Variants in MYH11 observed in about 807,000 individuals in gnomAD.
MYH11 encodes the protein myosin heavy chain 11, also known as myosin-11.
MYH11 carries 80 observed loss-of-function variants against 246.6 expected under a neutral mutation model. The ratio of observed to expected loss-of-function variants is 0.32; its 90% CI spans 0.27 to 0.39. The LOEUF (loss-of-function observed/expected upper bound fraction) is 0.39. MYH11 is among the 10% of genes least tolerant of loss of function. The pLI, the probability that MYH11 is intolerant of heterozygous loss-of-function variation, is 1.00. For synonymous variants in MYH11, 1,071 were observed against 1,015.5 expected, an observed-to-expected ratio of 1.05 and a Z score of -1.04; for missense variants, 2,158 against 2,546.8, an observed-to-expected ratio of 0.85 and a Z score of 3.29.
intron 19 of MYH11, among the ~76,000 whole-genome samples, chr16:15,746,253 G>A (rs2041415673): frequency 2.0e-5 from 3 of 151,984 alleles, no homozygotes. Context: ...CTCCTGGGTT[G>A]TTTTAGGAAT....
chr16:15,794,994 G>A lies in MYH11; in HGVS notation c.530+3666C>T, dbSNP rs1316398759. On this transcript the variant is annotated intron_variant, in intron 4 of 40. Coordinates refer to ENST00000300036, the MANE Select transcript of MYH11 (RefSeq NM_002474.3). ...CGAGGGGAACGGGACTTTAGAACCAGTGTGGGGAGAATCAGAACTGCAGGA... is the reference window on the plus strand; with the variant it reads ...CGAGGGGAACGGGACTTTAGAACCAATGTGGGGAGAATCAGAACTGCAGGA... 2.0e-5 allele frequency among the ~76,000 whole-genome samples: 3 copies of A among 152,298 alleles called. No homozygotes were observed. In the East Asian group the frequency reaches 5.8e-4, roughly 29 times the overall value.
intron 2 of MYH11, among the ~76,000 whole-genome samples, chr16:15,827,318 G>A (rs964785956): frequency 1.6e-4 from 25 of 152,342 alleles, no homozygotes; most frequent in Non-Finnish European, 3.4e-4. Context: ...CAGGTGGGGA[G>A]GTATTCCCTG....
intron 10 of MYH11, 55 bp downstream of exon 10, chr16:15,763,741 T>TCGGCCCCCCCCCCCCC: frequency 3.1e-6 from 2 of 646,844 alleles, no homozygotes; most frequent in Non-Finnish European, 5.8e-6. Flanking sequence ...AAATGTCACC[T>TCGGCCCCCCCCCCCCC]CCCCCACCCC....
chr16:15,753,346 A>G (rs778961767), intron 15 of MYH11, 48 bp downstream of exon 15: 5 of 1,557,562 alleles, frequency 3.2e-6, no homozygotes, highest in Admixed American at 1.7e-5. Context: ...TGGGTGTTCA[A>G]TTCTCCAGCT....
At chr16:15,814,553 C>CAAAAAAAAAAAAAAAAAAA (rs58806731) in intron 3 of MYH11, among the ~76,000 whole-genome samples, 5 of 22,826 alleles carry the variant, frequency 2.2e-4, no homozygotes, top group Non-Finnish European at 5.8e-4. Context: ...AACTCCATCT[C>CAAAAAAAAAAAAAAAAAAA]AAAAAAAAAA....
intron 13 of MYH11, 109 bp from the exon 14 acceptor site, chr16:15,756,623 C>G (rs1003513998): frequency 9.0e-7 from 1 of 1,106,578 alleles, no homozygotes; most frequent in African/African-American, 1.5e-5. Context: ...AGATCTGATA[C>G]TGTATTTGCC....
At chr16:15,733,732 A>G (rs576108272) in intron 26 of MYH11, among the ~76,000 whole-genome samples, 196 of 149,834 alleles carry the variant, frequency 1.3e-3, no homozygotes, top group Middle Eastern at 3.6e-3. Context: ...TAGTAGAGAC[A>G]GGTTTTCATG....
At position 15,715,257 on chromosome 16, in the gene MYH11, G is replaced by A. The variant is rs1423184796; in HGVS notation, c.5520C>T (p.Ala1840=). 1.2e-6 allele frequency: 2 copies of A among 1,613,960 alleles called. No individual in the cohort carries two copies. Among genetic ancestry groups the A allele is most frequent in the Non-Finnish European group, 1.7e-6 (2 of 1,180,044 alleles). Reference sequence around the variant, plus strand: ...TGTCTTTCTGCTTCAGCGACTTGGTGGCCGCCTGTTTCTCTCTGCAAACAG... The same window carrying A: ...TGTCTTTCTGCTTCAGCGACTTGGTAGCCGCCTGTTTCTCTCTGCAAACAG... The part of the protein sequence containing the change: ...VEQEAREKQA[A]TKSLKQKDKK... The change falls in exon 39 of 41, where the codon GCC becomes GCT. Residue 1840 remains alanine, a synonymous_variant. Coordinates refer to ENST00000300036, the MANE Select transcript of MYH11 (RefSeq NM_002474.3).
chr16:15,723,153 G>A (rs775343356), intron 31 of MYH11, among the ~76,000 whole-genome samples: 1 of 152,128 alleles, frequency 6.6e-6, no homozygotes, highest in African/African-American at 2.4e-5. Flanking sequence ...TCATACAGGG[G>A]TCTCCATTTA....
chr16:15,710,687 TG>T (rs1157724247), intron 40 of MYH11, among the ~76,000 whole-genome samples: 16 of 151,008 alleles, frequency 1.1e-4, no homozygotes, highest in African/African-American at 3.2e-4. Context: ...TTTTGTTTTT[TG>T]TTTTTTTTTT....
chr16:15,751,990 C>A (rs2041585602), intron 15 of MYH11, among the ~76,000 whole-genome samples: 1 of 151,820 alleles, frequency 6.6e-6, no homozygotes. Flanking sequence ...TGGGGTTTCG[C>A]CACGTTGGCC....
intron 3 of MYH11, among the ~76,000 whole-genome samples, chr16:15,807,004 C>T (rs1432621870): frequency 6.6e-6 from 1 of 152,002 alleles, no homozygotes; most frequent in Non-Finnish European, 1.5e-5. Flanking sequence ...ACTCTGATGC[C>T]CAGGCTGAAG....
intron 25 of MYH11, among the ~76,000 whole-genome samples, chr16:15,737,087 C>T (rs1823362345): frequency 6.6e-6 from 1 of 152,010 alleles, no homozygotes; most frequent in African/African-American, 2.4e-5. Flanking sequence ...AGGTCATTCC[C>T]GCCTTAGACA....
intron 3 of MYH11, among the ~76,000 whole-genome samples, chr16:15,808,811 T>G (rs184460980): frequency 2.4e-4 from 36 of 152,310 alleles, no homozygotes; most frequent in Admixed American, 7.8e-4. Context: ...GAAAATTGCT[T>G]GAGCCTAGGA....
At chr16:15,763,741 T>TGGCCCC in intron 10 of MYH11, 55 bp downstream of exon 10, 1 of 646,862 alleles carries the variant, frequency 1.5e-6, no homozygotes, top group Non-Finnish European at 2.9e-6. Context: ...AAATGTCACC[T>TGGCCCC]CCCCCACCCC....
At chr16:15,746,705 C>T (rs894283311) in intron 19 of MYH11, among the ~76,000 whole-genome samples, 2 of 152,174 alleles carry the variant, frequency 1.3e-5, no homozygotes, top group South Asian at 4.1e-4. Context: ...TGGGACATCA[C>T]ACCCTCCAAA....
At chr16:15,783,019 C>T (rs1422868700) in intron 5 of MYH11, 1 of 159,778 alleles carries the variant, frequency 6.3e-6, no homozygotes, top group African/African-American at 2.4e-5. Context: ...TGCACAAAAC[C>T]CACCAGGAAT....
chr16:15,763,759 C>CCCAAAA, intron 10 of MYH11, 37 bp downstream of exon 10: 1 of 1,151,256 alleles, frequency 8.7e-7, no homozygotes, highest in South Asian at 1.2e-5. Context: ...CCCCCCAACC[C>CCCAAAA]CAAAGTCATT....
chr16:15,804,547 ATAAC>A (rs1454404116), intron 3 of MYH11, among the ~76,000 whole-genome samples: 1 of 151,840 alleles, frequency 6.6e-6, no homozygotes, highest in Non-Finnish European at 1.5e-5. Context: ...AGATAAAAAA[ATAAC>A]TAAAGTGCAT....
Sources: allele counts gnomAD v4.1 joint callset (sites outside exome capture counted in the v4.1 genomes callset), GRCh38; gene constraint gnomAD v4.1.1; transcripts MANE v1.5; gene names NCBI Gene and HGNC (gene_info 2026-07-23, HGNC 2026-07-21).